PCSK4: variants seen among roughly 807,000 people sequenced by gnomAD.
PCSK4 encodes testicular tissue protein Li 135.
A neutral mutation model predicts 80.3 loss-of-function variants in PCSK4; 64 were observed. The observed-to-expected ratio is 0.80, with a 90% CI of 0.65 to 0.98. The LOEUF is 0.98. PCSK4 is among the 50% of genes least tolerant of loss of function. The pLI is 0.00. For missense variants in PCSK4, 1,213 were observed against 1,093.6 expected (o/e 1.11, Z -1.54); for synonymous variants, 561 against 487.6 (o/e 1.15, Z -1.98).
exon 14 of PCSK4, chr19:1,482,457 G>A (rs1008664507): frequency 1.1e-5 from 18 of 1,605,826 alleles, no homozygotes; most frequent in South Asian, 3.3e-5. Flanking sequence ...GAGCAGCAGC[G>A]TGTAGCGGTA....
rs2084396858 is a variant in PCSK4, at chr19:1,483,172, C to A, written c.1571+112G>T. 3 of 1,283,594 alleles carry A rather than the reference C, an allele frequency of 2.3e-6. No homozygotes were observed. The South Asian group carries it at 4.5e-5, about 19-fold the overall frequency. 79.5% of individuals were successfully genotyped at this position (1,283,594 alleles called of 1,614,324 possible). A position where few individuals can be genotyped will look rare whatever the true frequency, so the allele number is the denominator to read the frequency against. ...GTGACTCGGGGTCCCACCAACTAGG[C>A]TGCCGTGTGACTCCTATGGGCCTGG... On this transcript the variant is annotated intron_variant, in intron 12 of 14. Transcript: ENST00000300954.
chr19:1,486,643 A>C (rs2084631316), intron 8 of PCSK4, among the ~76,000 whole-genome samples: 1 of 151,684 alleles, frequency 6.6e-6, no homozygotes, highest in African/African-American at 2.4e-5. Context: ...CATGTTAGCC[A>C]GGATGGTCTT....
chr19:1,489,426 G>T (rs1349164758), intron 2 of PCSK4, among the ~76,000 whole-genome samples: 2 of 152,200 alleles, frequency 1.3e-5, no homozygotes, highest in African/African-American at 4.8e-5. Flanking sequence ...GAGCCACCGC[G>T]CCGGGCCAAG....
At chr19:1,488,984 C>T (rs1267342644) in intron 2 of PCSK4, among the ~76,000 whole-genome samples, 4 of 152,162 alleles carry the variant, frequency 2.6e-5, no homozygotes, top group East Asian at 3.9e-4. Flanking sequence ...TCCTGGCCTC[C>T]GAGGGCTTCC....
At chr19:1,490,723 A>T (rs2084902555), upstream of PCSK4, 1 of 236,858 alleles carries the variant, frequency 4.2e-6, no homozygotes, top group Non-Finnish European at 8.1e-6. Flanking sequence ...AATCAGAATC[A>T]TTCTTTTGCG....
At chr19:1,486,169 G>T (rs944403164) in intron 8 of PCSK4, among the ~76,000 whole-genome samples, 3 of 150,952 alleles carry the variant, frequency 2.0e-5, no homozygotes, top group Non-Finnish European at 4.4e-5. Context: ...TAGAGATGGG[G>T]TTTTGCCATG....
Position 1,487,710 on chromosome 19 carries a change from G to A in PCSK4, c.594-19C>T, listed in dbSNP as rs1241968109. 6.4e-7 allele frequency: 1 copy of A among 1,552,088 alleles called. No homozygotes were observed. The highest frequency in any genetic ancestry group is 1.2e-5 in the South Asian group (1 of 84,404). On this transcript the variant is annotated intron_variant, in intron 5 of 14. Transcript: ENST00000300954. ...CCCGTGCCTGGTGCCAGGGCCAAGAGGGGCTCCTGTCACGGCCTCCATCCC... is the reference window on the plus strand; with the variant it reads ...CCCGTGCCTGGTGCCAGGGCCAAGAAGGGCTCCTGTCACGGCCTCCATCCC...
chr19:1,482,714 T>C, intron 13 of PCSK4, 182 bp downstream of exon 13: 1 of 760,278 alleles, frequency 1.3e-6, no homozygotes, highest in Non-Finnish European at 2.1e-6. Context: ...ACCGCACACC[T>C]ACTGTGTGCC....
chr19:1,483,710 C>A, exon 11 of PCSK4: 1 of 1,595,934 alleles, frequency 6.3e-7, no homozygotes, highest in Non-Finnish European at 8.5e-7. Context: ...CAGCCAGGTG[C>A]GGGCGGTGTC....
chr19:1,487,169 C>T lies in PCSK4; in HGVS notation c.827G>A (p.Arg276His), dbSNP rs755444796. ...GGTCACACCACGCCGGAAGGCCTCG[C>T]GGGTGAGGATGCCGGGGCCGTCCAC... Residue 276 changes from arginine to histidine, a missense_variant, in exon 7 of 15, where the codon CGC (arginine) becomes CAC (histidine). Arg to His is a conservative substitution (Grantham distance 29). Transcript: ENST00000300954. 57 of 1,606,752 alleles carry T rather than the reference C, an allele frequency of 3.5e-5. No individual in the cohort carries two copies. The highest frequency in any genetic ancestry group is 1.6e-4 in the Middle Eastern group (1 of 6,074).
At chr19:1,487,013 A>C in exon 8 of PCSK4, 1 of 1,608,982 alleles carries the variant, frequency 6.2e-7, no homozygotes. Context: ...GTCGTAGTGC[A>C]GGCCGCCGTT....
At chr19:1,481,814 G>A (rs1246002749) in exon 15 of PCSK4, 1 of 1,529,512 alleles carries the variant, frequency 6.5e-7, no homozygotes, top group Admixed American at 2.1e-5. Flanking sequence ...CCTGGCACGG[G>A]AGAGCCAGGC....
chr19:1,490,671 A>C, upstream of PCSK4: 1 of 329,056 alleles, frequency 3.0e-6, no homozygotes, highest in East Asian at 5.1e-5. Flanking sequence ...ACTTTCCAAC[A>C]CACCCCTCCT....
exon 13 of PCSK4, chr19:1,482,966 G>A: frequency 2.5e-6 from 4 of 1,611,722 alleles, no homozygotes; most frequent in South Asian, 2.2e-5. Context: ...CATCCCAGAA[G>A]TGGGTGGACA....
exon 2 of PCSK4, chr19:1,489,799 G>C (rs1186021230): frequency 6.2e-7 from 1 of 1,610,394 alleles, no homozygotes; most frequent in Non-Finnish European, 8.5e-7. Flanking sequence ...TCACCTTGGG[G>C]TTTTTCTTCA....
exon 7 of PCSK4, chr19:1,487,225 G>A (rs778436780): frequency 1.2e-6 from 2 of 1,607,292 alleles, no homozygotes; most frequent in East Asian, 2.2e-5. Flanking sequence ...GACCCCAGCT[G>A]GCGCTGTAAA....
chr19:1,484,141 GGGGT>G lies in PCSK4; in HGVS notation c.1069-18_1069-15del. 1 of 1,484,610 alleles carries G rather than the reference GGGGT, an allele frequency of 6.7e-7. No homozygotes were observed. Among genetic ancestry groups the G allele is most frequent in the Non-Finnish European group, 9.2e-7 (1 of 1,090,764 alleles). 92.0% of individuals were successfully genotyped at this position (1,484,610 alleles called of 1,614,324 possible). A position where few individuals can be genotyped will look rare whatever the true frequency, so the allele number is the denominator to read the frequency against. On this transcript the variant is annotated splice_polypyrimidine_tract_variant and intron_variant, in intron 8 of 14. Coordinates refer to ENST00000300954, the Ensembl canonical transcript of PCSK4. ...GTCCGTGGTGACCTGAGGGCAGAGGGGGGTGGGACTCGGGGGGCCGTGCACAGTG... is the reference window on the plus strand; with the variant it reads ...GTCCGTGGTGACCTGAGGGCAGAGGGGGGACTCGGGGGGCCGTGCACAGTG...
intron 11 of PCSK4, 37 bp downstream of exon 11, chr19:1,483,613 C>T (rs756079743): frequency 3.3e-6 from 5 of 1,517,374 alleles, no homozygotes; most frequent in East Asian, 2.3e-5. Context: ...CCCCACACCC[C>T]CAGCGGGGAT....
At chr19:1,487,734 C>A in intron 5 of PCSK4, 43 bp from the exon 6 acceptor site, 1 of 1,547,750 alleles carries the variant, frequency 6.5e-7, no homozygotes, top group South Asian at 1.2e-5. Context: ...GGCCTCCATC[C>A]CCCTGCCGGG....
Sources: gnomAD v4.1 joint callset for allele counts (sites outside exome capture counted in the v4.1 genomes callset) on GRCh38, gnomAD v4.1.1 for gene constraint, MANE v1.5 for transcripts, NCBI Gene and HGNC (gene_info 2026-07-23, HGNC 2026-07-21) for gene names.